FAAH2: variants seen among roughly 807,000 people sequenced by gnomAD.
FAAH2 encodes fatty-acid amide hydrolase 2.
Under a neutral mutation model 36.9 loss-of-function variants are expected in FAAH2, and 60 were observed. The observed-to-expected ratio is 1.63, with a 90% CI of 1.32 to 2.02. The LOEUF is 2.02. Among genes scored for constraint, FAAH2 ranks in the 30% most tolerant of loss-of-function variants. FAAH2 has a pLI of 0.00. For missense variants in FAAH2, 689 were observed against 397.5 expected, an observed-to-expected ratio of 1.73 and a Z score of -6.23; for synonymous variants, 214 against 143.8, an observed-to-expected ratio of 1.49 and a Z score of -3.49.
chrX:57,127,011 G>A, the FAAH2 span: 1 of 111,269 alleles, frequency 9.0e-6, no homozygotes, highest in East Asian at 2.8e-4. Context: ...TCGTTTAGCT[G>A]CTGATCATAC....
chrX:57,163,923 A>C, the FAAH2 span, among the ~76,000 whole-genome samples: 1 of 112,438 alleles, frequency 8.9e-6, no homozygotes, highest in Non-Finnish European at 1.9e-5. Flanking sequence ...TGGTCAAATT[A>C]ACAAATGGAA....
At chrX:57,457,654 C>G (rs2920307) in intron 10 of FAAH2, among the ~76,000 whole-genome samples, 1 of 102,771 alleles carries the variant, frequency 9.7e-6, no homozygotes, top group Non-Finnish European at 2.0e-5. Context: ...CAATATTGTT[C>G]TAGGTGAGAA....
chrX:57,331,595 T>C lies in FAAH2; in HGVS notation c.413-3T>C. On this transcript the variant is annotated splice_polypyrimidine_tract_variant and splice_region_variant and intron_variant, in intron 3 of 10. Transcript: ENST00000374900. ...TAAACATTCTTTTCTGTGACTCTTT[T>C]AGGAATGCCCAATTCTTCTGGACTC... is the stretch of plus-strand genomic sequence containing the variant. 2 of 1,203,354 alleles carry C rather than the reference T, an allele frequency of 1.7e-6. No individual in the cohort carries two copies. Among genetic ancestry groups the C allele is most frequent in the Non-Finnish European group, 2.2e-6 (2 of 889,882 alleles).
chrX:57,204,086 C>T, the FAAH2 span, among the ~76,000 whole-genome samples: 6 of 110,997 alleles, frequency 5.4e-5, no homozygotes, highest in Non-Finnish European at 7.6e-5. Flanking sequence ...GCAATTCAAG[C>T]TAAACATCTC....
At chrX:57,122,489 T>A in the FAAH2 span, among the ~76,000 whole-genome samples, 1 of 112,350 alleles carries the variant, frequency 8.9e-6, no homozygotes, top group Non-Finnish European at 1.9e-5. Flanking sequence ...AAAAAATAAC[T>A]TTATAAGAAA....
intron 3 of FAAH2, among the ~76,000 whole-genome samples, chrX:57,324,653 G>A (rs1569259930): frequency 8.9e-6 from 1 of 111,827 alleles, no homozygotes; most frequent in African/African-American, 3.3e-5. Flanking sequence ...TCTGTTATTG[G>A]TGTATAAGAA....
At chrX:57,459,527 C>G (rs2056920623) in intron 10 of FAAH2, among the ~76,000 whole-genome samples, 1 of 112,427 alleles carries the variant, frequency 8.9e-6, no homozygotes, top group Admixed American at 9.4e-5. Context: ...AAGTGGGTCT[C>G]TAAACCTTGT....
intron 10 of FAAH2, among the ~76,000 whole-genome samples, chrX:57,463,161 A>G (rs905579979): frequency 1.8e-5 from 2 of 111,738 alleles, no homozygotes; most frequent in African/African-American, 6.5e-5. Context: ...ATAAGAGAGG[A>G]CACAAACAAA....
the FAAH2 span, among the ~76,000 whole-genome samples, chrX:57,261,300 C>A: frequency 1.8e-5 from 2 of 110,426 alleles, no homozygotes; most frequent in Admixed American, 9.7e-5. Flanking sequence ...GATCTGTAAT[C>A]CCAGCTCTTT....
intron 2 of FAAH2, among the ~76,000 whole-genome samples, chrX:57,299,801 A>T (rs2052283005): frequency 1.8e-5 from 2 of 112,037 alleles, no homozygotes; most frequent in South Asian, 7.6e-4. Context: ...AAGCATTCTT[A>T]TACACCAATA....
chrX:57,430,790 T>G (rs2056277118), intron 7 of FAAH2, among the ~76,000 whole-genome samples: 1 of 111,897 alleles, frequency 8.9e-6, no homozygotes. Flanking sequence ...TATCAATCCA[T>G]GTAATTTCTG....
At chrX:57,299,300 C>T (rs975036513) in intron 2 of FAAH2, among the ~76,000 whole-genome samples, 4 of 112,079 alleles carry the variant, frequency 3.6e-5, no homozygotes, top group African/African-American at 1.3e-4. Context: ...GCTGGTTCAA[C>T]ATCGGAAAAC....
the FAAH2 span, among the ~76,000 whole-genome samples, chrX:57,221,608 G>T: frequency 9.0e-6 from 1 of 111,104 alleles, no homozygotes; most frequent in Non-Finnish European, 1.9e-5. Context: ...CTTAGTCTAG[G>T]ACCTCAGGCT....
At chrX:57,369,712 A>T (rs187620281) in intron 5 of FAAH2, among the ~76,000 whole-genome samples, 42 of 112,201 alleles carry the variant, frequency 3.7e-4, no homozygotes, top group Admixed American at 3.7e-3. Context: ...TGCTTAAGGG[A>T]GTGATTCAGC....
At chrX:57,414,850 C>CTTTTT (rs760473454) in intron 7 of FAAH2, among the ~76,000 whole-genome samples, 1 of 57,851 alleles carries the variant, frequency 1.7e-5, no homozygotes, top group African/African-American at 6.4e-5. Context: ...TTGTCCTGGG[C>CTTTTT]TTTTTTTTTT....
At chrX:57,283,181 A>T (rs776955925), upstream of FAAH2, among the ~76,000 whole-genome samples, 201 of 111,870 alleles carry the variant, frequency 1.8e-3, no homozygotes, top group Non-Finnish European at 2.1e-3. Flanking sequence ...GGTGTGGTTA[A>T]AGCACTGTGC....
chrX:57,285,807 A>T (rs1364668169), upstream of FAAH2, among the ~76,000 whole-genome samples: 3 of 111,858 alleles, frequency 2.7e-5, no homozygotes, highest in Non-Finnish European at 5.6e-5. Flanking sequence ...ATGGAGAATT[A>T]TTGCGGAGTT....
the FAAH2 span, among the ~76,000 whole-genome samples, chrX:57,143,670 G>A: frequency 7.2e-5 from 8 of 110,524 alleles, no homozygotes; most frequent in South Asian, 3.9e-4. Flanking sequence ...TAGACAGGGG[G>A]TTTCTCCATG....
intron 7 of FAAH2, among the ~76,000 whole-genome samples, chrX:57,392,130 C>T (rs750115253): frequency 1.8e-5 from 2 of 111,223 alleles, no homozygotes; most frequent in African/African-American, 6.5e-5. Context: ...ATTGGTGTAT[C>T]GAAATGCTAC....
Sources: allele counts gnomAD v4.1 joint callset (sites outside exome capture counted in the v4.1 genomes callset), GRCh38; gene constraint gnomAD v4.1.1; transcripts MANE v1.5; gene names NCBI Gene and HGNC (gene_info 2026-07-23, HGNC 2026-07-21).